PRKCA: variants seen among roughly 807,000 people sequenced by gnomAD.
PRKCA encodes protein kinase C alpha, also known as protein kinase C alpha type.
In PRKCA, 27 loss-of-function variants were observed where a neutral mutation model predicts 87.0. That is an observed-to-expected ratio of 0.31 (90% CI 0.23 to 0.43). The LOEUF is 0.43. Among genes scored for constraint, PRKCA ranks in the 20% least tolerant of loss-of-function variants. The pLI is 1.00. For missense variants in PRKCA, 518 were observed against 852.3 expected (o/e 0.61, Z 4.88); for synonymous variants, 329 against 311.1 (o/e 1.06, Z -0.61).
rs536713546 is a variant in PRKCA at position 66,482,356 on chromosome 17, A to G, written c.206-13845A>G. ...AGAAGAACAGAGGTAAGGAAGAATC[A>G]TGAGCTCACTCGCTGCTCACCCCTT... On this transcript the variant is annotated intron_variant, in intron 2 of 16. Coordinates refer to ENST00000413366, the MANE Select transcript of PRKCA (RefSeq NM_002737.3). Among the ~76,000 whole-genome samples, 4 of 152,286 alleles carry G rather than the reference A, an allele frequency of 2.6e-5. No individual in the cohort carries two copies. The South Asian group carries it at 8.3e-4, about 32-fold the overall frequency.
chr17:66,356,435 G>A (rs1908057885), intron 2 of PRKCA, among the ~76,000 whole-genome samples: 2 of 152,096 alleles, frequency 1.3e-5, no homozygotes, highest in South Asian at 2.1e-4. Flanking sequence ...GGAGATCGAG[G>A]CCATCCTAGC....
chr17:66,639,018 A>G (rs980296809), intron 3 of PRKCA, among the ~76,000 whole-genome samples: 2 of 152,178 alleles, frequency 1.3e-5, no homozygotes, highest in Non-Finnish European at 2.9e-5. Flanking sequence ...GCTTTATGTC[A>G]CTTTGCATTG....
rs75758232 is a variant in PRKCA, at chr17:66,762,144, C to T, written c.1525-11843C>T. Among the ~76,000 whole-genome samples, 203 of 152,270 alleles carry T rather than the reference C, an allele frequency of 1.3e-3. 2 individuals are homozygous for T. The East Asian group carries it at 0.035, about 27-fold the overall frequency. On this transcript the variant is annotated intron_variant, in intron 13 of 16. Coordinates refer to ENST00000413366, the MANE Select transcript of PRKCA (RefSeq NM_002737.3). ...AAAGAACGAATGGAAGGTTTATTGT[C>T]GCTTAAGAATTTTCAGGTGCCAACA...
chr17:66,752,114 A>G (rs1974444666), intron 13 of PRKCA, among the ~76,000 whole-genome samples: 1 of 152,186 alleles, frequency 6.6e-6, no homozygotes, highest in South Asian at 2.1e-4. Context: ...ACTTGGGGTG[A>G]CATCTGTATA....
At chr17:66,770,965 G>C (rs988876977) in intron 13 of PRKCA, among the ~76,000 whole-genome samples, 16 of 152,152 alleles carry the variant, frequency 1.1e-4, no homozygotes, top group Admixed American at 3.9e-4. Flanking sequence ...TTTACTGGTG[G>C]GAGTGAGCGT....
chr17:66,560,058 G>A (rs1456162215), intron 3 of PRKCA, among the ~76,000 whole-genome samples: 1 of 152,210 alleles, frequency 6.6e-6, no homozygotes, highest in Non-Finnish European at 1.5e-5. Context: ...GAAGGTTTAA[G>A]TTGGGATGTT....
intron 2 of PRKCA, among the ~76,000 whole-genome samples, chr17:66,312,628 C>T: frequency 6.6e-6 from 1 of 152,034 alleles, no homozygotes; most frequent in East Asian, 1.9e-4. Flanking sequence ...TCCTCAACCC[C>T]GTTTGCCCAG....
In PRKCA at chr17:66,395,490, C is replaced by T. The variant is rs527632365; in HGVS notation, c.205+89363C>T. Reference sequence around the variant, plus strand: ...AGCACACCTCAACTTGGATTAACCACATTTCACATACTCAGTAGGCACACT... The same window carrying T: ...AGCACACCTCAACTTGGATTAACCATATTTCACATACTCAGTAGGCACACT... On this transcript the variant is annotated intron_variant, in intron 2 of 16. Transcript: ENST00000413366. 1.2e-3 allele frequency among the ~76,000 whole-genome samples: 187 copies of T among 152,278 alleles called. 6 individuals carry two copies. The highest frequency in any genetic ancestry group is 0.012 in the Admixed American group (185 of 15,288).
At chr17:66,765,176 G>A (rs1379260623) in intron 13 of PRKCA, among the ~76,000 whole-genome samples, 2 of 151,970 alleles carry the variant, frequency 1.3e-5, no homozygotes, top group Non-Finnish European at 2.9e-5. Context: ...CGCTTTGGGA[G>A]GCCGAGGCAG....
At chr17:66,470,335 C>T (rs190826653) in intron 2 of PRKCA, among the ~76,000 whole-genome samples, 97 of 127,502 alleles carry the variant, frequency 7.6e-4, no homozygotes, top group Admixed American at 1.1e-3. Flanking sequence ...AAGCGATTCT[C>T]CTGCCTCAGC....
chr17:66,336,823 T>C (rs1367326619), intron 2 of PRKCA, among the ~76,000 whole-genome samples: 1 of 151,016 alleles, frequency 6.6e-6, no homozygotes, highest in East Asian at 2.0e-4. Context: ...AGTTTCGCTC[T>C]TGTTGCCCAG....
chr17:66,335,889 T>C (rs1236333806), intron 2 of PRKCA, among the ~76,000 whole-genome samples: 1 of 152,200 alleles, frequency 6.6e-6, no homozygotes, highest in African/African-American at 2.4e-5. Flanking sequence ...TGAACCTTTT[T>C]AAGGCTCTTG....
At chr17:66,370,549 C>CTTTTTT (rs555797425) in intron 2 of PRKCA, among the ~76,000 whole-genome samples, 370 of 113,630 alleles carry the variant, frequency 3.3e-3, no homozygotes, top group Middle Eastern at 5.6e-3. Flanking sequence ...CTTTTCTTTT[C>CTTTTTT]TTTTTTTTTT....
chr17:66,406,596 T>TTTTTTTTC lies in PRKCA; in HGVS notation c.206-89598_206-89597insCTTTTTTT, dbSNP rs1766625455. Among the ~76,000 whole-genome samples, 3 of 144,102 alleles carry TTTTTTTTC rather than the reference T, an allele frequency of 2.1e-5. 1 individual carries two copies. Among genetic ancestry groups the TTTTTTTTC allele is most frequent in the Non-Finnish European group, 4.6e-5 (3 of 65,514 alleles). 94.5% of individuals were successfully genotyped at this position (144,102 alleles called of 152,430 possible). ...TGTAGCTTTTCCAGGTTTTTTTTTT[T>TTTTTTTTC]TTTTTTTTTTTTTAAATGTCATAGA... is the stretch of plus-strand genomic sequence containing the variant. On this transcript the variant is annotated intron_variant, in intron 2 of 16. Transcript: ENST00000413366.
At chr17:66,477,151 C>T (rs1478074727) in intron 2 of PRKCA, among the ~76,000 whole-genome samples, 1 of 152,068 alleles carries the variant, frequency 6.6e-6, no homozygotes, top group Non-Finnish European at 1.5e-5. Flanking sequence ...CATAAATGCC[C>T]ACGGATACAG....
chr17:66,473,940 CA>C (rs543676511), intron 2 of PRKCA, among the ~76,000 whole-genome samples: 1 of 149,750 alleles, frequency 6.7e-6, no homozygotes, highest in Non-Finnish European at 1.5e-5. Flanking sequence ...AACTCCATCT[CA>C]AAAAAAAACA....
At chr17:66,764,238 A>C (rs1295766524) in intron 13 of PRKCA, among the ~76,000 whole-genome samples, 2 of 152,224 alleles carry the variant, frequency 1.3e-5, no homozygotes, top group Non-Finnish European at 2.9e-5. Context: ...TGTTGGTTAC[A>C]GCTACTGTCA....
At chr17:66,385,288 A>C (rs1483738927) in intron 2 of PRKCA, among the ~76,000 whole-genome samples, 7 of 152,074 alleles carry the variant, frequency 4.6e-5, no homozygotes, top group African/African-American at 7.2e-5. Context: ...AAGTATTTAA[A>C]TTGCTCTGAT....
At chr17:66,505,051 T>TA (rs759046449) in intron 3 of PRKCA, among the ~76,000 whole-genome samples, 107 of 152,172 alleles carry the variant, frequency 7.0e-4, no homozygotes, top group Middle Eastern at 3.4e-3. Context: ...CAGGAAACCT[T>TA]AAAAAGAAGT....
Sources: allele counts gnomAD v4.1 joint callset (sites outside exome capture counted in the v4.1 genomes callset), GRCh38; gene constraint gnomAD v4.1.1; transcripts MANE v1.5; gene names NCBI Gene and HGNC (gene_info 2026-07-23, HGNC 2026-07-21).